CEP350: variants seen among roughly 807,000 people sequenced by gnomAD.
CEP350 encodes the protein centrosome-associated protein 350.
CEP350 carries 126 observed loss-of-function variants against 331.8 expected under a neutral mutation model. The ratio of observed to expected loss-of-function variants is 0.38; its 90% CI spans 0.33 to 0.44. The LOEUF is 0.44. Ranked by LOEUF, CEP350 falls within the 20% of genes least tolerant of loss-of-function variation. CEP350 has a pLI of 1.00. For missense variants in CEP350, 3,406 were observed against 3,634.6 expected (o/e 0.94, Z 1.62); for synonymous variants, 1,200 against 1,259.5 (o/e 0.95, Z 1.00).
At chr1:180,058,482 G>A (rs1253442331) in intron 25 of CEP350, among the ~76,000 whole-genome samples, 1 of 152,134 alleles carries the variant, frequency 6.6e-6, no homozygotes, top group Non-Finnish European at 1.5e-5. Flanking sequence ...TAACCAATTA[G>A]TAGTATATGT....
chr1:180,014,530 G>A (rs2501607), intron 10 of CEP350, 25 bp downstream of exon 10: 987,368 of 1,549,272 alleles, frequency 0.64, 319,693 homozygotes, highest in Admixed American at 0.75. Context: ...ATATACAAAG[G>A]AGAGTCATTC....
At position 180,092,513 on chromosome 1, in the gene CEP350, G is replaced by T. The variant is rs374218432; in HGVS notation, c.6509-101G>T. 1.5e-4 allele frequency: 117 copies of T among 797,234 alleles called. 2 individuals are homozygous for T. Among genetic ancestry groups the T allele is most frequent in the East Asian group, 1.4e-3 (53 of 36,744 alleles). The allele number at this position is 797,234 out of a possible 1,614,324, so 49.4% of individuals were successfully genotyped here. ...CAGGTCATATTTATTGACTAGAGGG[G>T]TTTTTTTCACTAAAATTTGGCTTTT... On this transcript the variant is annotated intron_variant, in intron 33 of 37. Coordinates refer to ENST00000367607, the MANE Select transcript of CEP350 (RefSeq NM_014810.5).
chr1:180,022,134 C>G (rs965255722), intron 12 of CEP350, among the ~76,000 whole-genome samples: 1 of 152,052 alleles, frequency 6.6e-6, no homozygotes, highest in African/African-American at 2.4e-5. Flanking sequence ...TTGTATAGAC[C>G]TTCATATGCT....
chr1:179,965,527 T>G (rs1650937325), intron 1 of CEP350, among the ~76,000 whole-genome samples: 1 of 152,100 alleles, frequency 6.6e-6, no homozygotes, highest in Admixed American at 6.5e-5. Flanking sequence ...AGATGTAAAT[T>G]TCTTTTACAG....
Position 180,075,191 on chromosome 1 carries a change from G to C in CEP350, c.5737G>C (p.Glu1913Gln), listed in dbSNP as rs1376200481. Reference protein sequence around the residue: ...ELIKPKTPKKELEDQRTEQKE... With the variant: ...ELIKPKTPKKQLEDQRTEQKE... ...AATAAAACCCAAAACTCCTAAGAAAGAACTGGAGGACCAGAGAACAGAACA... is the reference window on the plus strand; with the variant it reads ...AATAAAACCCAAAACTCCTAAGAAACAACTGGAGGACCAGAGAACAGAACA... The change falls in exon 28 of 38, where the codon GAA becomes CAA. Residue 1913 changes from glutamate to glutamine, a missense_variant. This residue lies in a region of CEP350 where 1,415 missense variants were observed against 1,512.3 expected (regional missense o/e 0.94). Coordinates refer to ENST00000367607, the MANE Select transcript of CEP350 (RefSeq NM_014810.5). The C allele has an allele frequency of 1.2e-6, 2 of 1,612,710 alleles. No individual in the cohort carries two copies. Among genetic ancestry groups the C allele is most frequent in the Non-Finnish European group, 1.7e-6 (2 of 1,179,372 alleles).
Position 180,039,772 on chromosome 1 carries a change from G to T in CEP350, c.4111-1366G>T, listed in dbSNP as rs567147735. Among the ~76,000 whole-genome samples, 170 of 151,268 alleles carry T rather than the reference G, an allele frequency of 1.1e-3. 1 individual carries two copies. The highest frequency in any genetic ancestry group is 4.0e-3 in the African/African-American group (164 of 40,838). Reference sequence around the variant, plus strand: ...TTTTTGCATTTCCGTGTAACTTTTAGAATCAGTTTGTTAGTTTCAACAACA... The same window carrying T: ...TTTTTGCATTTCCGTGTAACTTTTATAATCAGTTTGTTAGTTTCAACAACA... On this transcript the variant is annotated intron_variant, in intron 17 of 37. Transcript: ENST00000367607.
chr1:180,006,814 G>A (rs959368015), intron 8 of CEP350, among the ~76,000 whole-genome samples: 1 of 152,054 alleles, frequency 6.6e-6, no homozygotes, highest in African/African-American at 2.4e-5. Flanking sequence ...GTGTCCATGT[G>A]TTCTCATTGT....
chr1:180,042,713 CAAAGAGTTAGA>C (rs1656852336), intron 19 of CEP350, among the ~76,000 whole-genome samples: 1 of 152,150 alleles, frequency 6.6e-6, no homozygotes. Flanking sequence ...TGTTGGTCAG[CAAAGAGTTAGA>C]AAAGAAGTAG....
At chr1:180,047,934 A>G (rs1322691221) in intron 21 of CEP350, among the ~76,000 whole-genome samples, 3 of 152,104 alleles carry the variant, frequency 2.0e-5, no homozygotes, top group African/African-American at 7.2e-5. Flanking sequence ...TTTATTTAAC[A>G]TTTAATTTTG....
intron 19 of CEP350, among the ~76,000 whole-genome samples, chr1:180,042,618 C>T (rs1488669219): frequency 6.6e-6 from 1 of 152,152 alleles, no homozygotes; most frequent in Non-Finnish European, 1.5e-5. Flanking sequence ...AGGAATAGCT[C>T]AAAGTAGTGC....
chr1:179,994,759 A>G (rs1310725678), intron 5 of CEP350, among the ~76,000 whole-genome samples: 1 of 152,046 alleles, frequency 6.6e-6, no homozygotes, highest in East Asian at 1.9e-4. Context: ...TGGCGATCCC[A>G]TCTTTTTCAA....
intron 23 of CEP350, 92 bp from the exon 24 acceptor site, chr1:180,053,656 CAT>C (rs1657643186): frequency 1.5e-6 from 1 of 671,802 alleles, no homozygotes; most frequent in East Asian, 2.7e-5. Flanking sequence ...TTGTTAAATA[CAT>C]AGTTTGTTTT....
chr1:180,078,416 G>A (rs571567087), intron 28 of CEP350, 47 bp from the exon 29 acceptor site: 3 of 1,399,380 alleles, frequency 2.1e-6, no homozygotes, highest in African/African-American at 1.4e-5. Context: ...TTTTCCCATT[G>A]ACCAAGATTG....
At position 180,093,490 on chromosome 1, in the gene CEP350, C is replaced by G; in HGVS notation, c.7385C>G (p.Thr2462Ser). 1 of 1,611,326 alleles carries G rather than the reference C, an allele frequency of 6.2e-7. No individual in the cohort carries two copies. Among genetic ancestry groups the G allele is most frequent in the Non-Finnish European group, 8.5e-7 (1 of 1,178,452 alleles). Residue 2462 changes from threonine (T) to serine (S), a missense_variant, in exon 34 of 38, where the codon ACT (threonine) becomes AGT (serine). Thr to Ser is a moderately conservative substitution (Grantham distance 58, BLOSUM62 1). Around this residue, in one of 5 missense-constraint regions of CEP350, gnomAD observed 1,415 missense variants for 1,512.3 expected, o/e 0.94. Transcript: ENST00000367607. ...AGGCTGTTGGAACTCAAGTCCCCTA[C>G]TGAGCTGATGAAAAGTAAGGAGCGC... ...SDRLLELKSP[T>S]ELMKSKERSD...
At position 180,075,116 on chromosome 1, in the gene CEP350, GA is replaced by G; in HGVS notation, c.5665del (p.Ile1889PhefsTer16). 6.2e-7 allele frequency: 1 copy of G among 1,613,702 alleles called. No homozygotes were observed. The highest frequency in any genetic ancestry group is 8.5e-7 in the Non-Finnish European group (1 of 1,179,776). On this transcript the variant is annotated frameshift_variant, in exon 28 of 38. Coordinates refer to ENST00000367607, the MANE Select transcript of CEP350 (RefSeq NM_014810.5). LOFTEE classifies it high-confidence loss of function. ...WKRRLDAEEA[E>X]IRQMEKQALA... ...GCGACGTTTAGATGCAGAAGAAGCA[GA>G]AATTCGTCAAATGGAAAAACAAGCT...
At chr1:180,016,105 C>A in intron 11 of CEP350, 135 bp downstream of exon 11, 1 of 1,038,452 alleles carries the variant, frequency 9.6e-7, no homozygotes, top group South Asian at 1.6e-5. Flanking sequence ...TTCATATCTT[C>A]TGAAATTTAG....
rs1657277046 is a variant in CEP350 at position 180,048,545 on chromosome 1, T to C, written c.4632T>C (p.Ser1544=). ...ATGTATCCATAAAAAGAAGTAGCAG[T>C]GGTAGCAGCCGCCAAGAAAGTCCTT... ...GYKNHDRRSS[S]GSSRQESPSV... Residue 1544 remains serine, a synonymous_variant, in exon 22 of 38, where the codon AGT becomes AGC. Transcript: ENST00000367607. The C allele has an allele frequency of 1.2e-6, 2 of 1,601,522 alleles. No individual in the cohort carries two copies. The highest frequency in any genetic ancestry group is 1.3e-5 in the African/African-American group (1 of 74,386).
intron 31 of CEP350, 155 bp from the exon 32 acceptor site, chr1:180,087,423 T>G (rs960626070): frequency 1.7e-6 from 1 of 584,570 alleles, no homozygotes; most frequent in African/African-American, 1.9e-5. Flanking sequence ...AACTATAGAG[T>G]TCTGGAGAAT....
At chr1:179,984,879 T>C (rs1034079108) in intron 1 of CEP350, among the ~76,000 whole-genome samples, 1 of 152,178 alleles carries the variant, frequency 6.6e-6, no homozygotes, top group Non-Finnish European at 1.5e-5. Flanking sequence ...AAAAGACTAG[T>C]TCCTCTATAT....
Sources: gnomAD v4.1 joint callset for allele counts (sites outside exome capture counted in the v4.1 genomes callset) on GRCh38, gnomAD v4.1.1 for gene constraint, gnomAD v4.1.1 regional missense constraint, MANE v1.5 for transcripts, NCBI Gene and HGNC (gene_info 2026-07-23, HGNC 2026-07-21) for gene names.